Variants in CHRNA10 observed in about 807,000 individuals in gnomAD.
CHRNA10 encodes cholinergic receptor nicotinic alpha 10 subunit.
CHRNA10 carries 31 observed loss-of-function variants against 36.0 expected under a neutral mutation model. The ratio of observed to expected loss-of-function variants is 0.86; its 90% CI spans 0.65 to 1.16. The LOEUF (loss-of-function observed/expected upper bound fraction) is 1.16, where lower values mean the gene tolerates loss of function less well. CHRNA10 is among the 50% of genes most tolerant of loss of function. The pLI is 0.00. For missense variants in CHRNA10, 648 were observed against 640.9 expected (o/e 1.01, Z -0.12); for synonymous variants, 302 against 287.0 (o/e 1.05, Z -0.53).
rs56167171 is a variant in CHRNA10, at chr11:3,669,368, T to A, written c.208-18A>T. ...CGTTCATCCTAGTGGGGGCAGGGAA[T>A]GGCAGAGATGTGGACATGTATATGC... On this transcript the variant is annotated intron_variant, in intron 2 of 4. Transcript: ENST00000250699. 0.017 allele frequency: 27,622 copies of A among 1,610,842 alleles called. 282 individuals carry two copies. Among genetic ancestry groups the A allele is most frequent in the Non-Finnish European group, 0.02 (23,047 of 1,178,116 alleles).
intron 1 of CHRNA10, among the ~76,000 whole-genome samples, chr11:3,670,419 A>C (rs2672215): frequency 0.55 from 83,671 of 151,926 alleles, 23,427 homozygotes; most frequent in Admixed American, 0.71. Flanking sequence ...TACTGACACA[A>C]ATTTTCCTCA....
At chr11:3,669,090 C>T in intron 3 of CHRNA10, 106 bp downstream of exon 3, 3 of 1,293,144 alleles carry the variant, frequency 2.3e-6, no homozygotes, top group Non-Finnish European at 3.2e-6. Flanking sequence ...TCCAGGGCAG[C>T]GTGGCAACCA....
chr11:3,667,722 G>T lies in CHRNA10; in HGVS notation c.405C>A (p.Val135=), dbSNP rs756530346. The change falls in exon 4 of 5, where the codon GTC becomes GTA. Residue 135 remains valine, a synonymous_variant. Coordinates refer to ENST00000250699, the MANE Select transcript of CHRNA10 (RefSeq NM_020402.4). ...QPPGSASTNV[V]LRHDGAVRWD... ...AGCGCACGGCGCCATCGTGGCGCAG[G>T]ACCACGTTGGTGCTGGCGGAACCTG... 1.3e-6 allele frequency: 2 copies of T among 1,571,914 alleles called. No homozygotes were observed. Among genetic ancestry groups the T allele is most frequent in the Admixed American group, 1.7e-5 (1 of 57,278 alleles).
In CHRNA10 at chr11:3,665,680, C is replaced by G. The variant is rs991309152; in HGVS notation, c.*427G>C. 2 of 156,552 alleles carry G rather than the reference C, an allele frequency of 1.3e-5. No individual in the cohort carries two copies. Among genetic ancestry groups the G allele is most frequent in the Non-Finnish European group, 2.8e-5 (2 of 71,148 alleles). 9.7% of individuals were successfully genotyped at this position (156,552 alleles called of 1,614,324 possible). ...GGAAACTCGACTGAGAATCCCCGAC[C>G]CTTTTCCCTGAGCCCCTCAGCAGGG... On this transcript the variant is annotated 3_prime_UTR_variant, in exon 5 of 5. Transcript: ENST00000250699.
intron 2 of CHRNA10, 63 bp downstream of exon 2, chr11:3,669,733 C>A: frequency 6.3e-7 from 1 of 1,579,168 alleles, no homozygotes; most frequent in Non-Finnish European, 8.7e-7. Context: ...CAGTCTCTCA[C>A]CCCTTCATTT....
intron 2 of CHRNA10, among the ~76,000 whole-genome samples, 162 bp from the exon 3 acceptor site, chr11:3,669,512 G>A (rs1402329863): frequency 2.0e-5 from 3 of 146,464 alleles, no homozygotes; most frequent in Admixed American, 2.0e-4. Flanking sequence ...ACCTTAGTGG[G>A]CTCTTCTCTT....
chr11:3,671,207 T>TAGC (rs2077711481), intron 1 of CHRNA10, 45 bp downstream of exon 1: 1 of 1,582,026 alleles, frequency 6.3e-7, no homozygotes, highest in African/African-American at 1.3e-5. Flanking sequence ...ACAGGAATAG[T>TAGC]AGCACCACCA....
Position 3,666,178 on chromosome 11 carries a change from G to C in CHRNA10, c.1282C>G (p.Arg428Gly). Residue 428 changes from arginine (R) to glycine (G), a missense_variant, in exon 5 of 5, where the codon CGC becomes GGC. Transcript: ENST00000250699. ...DWKRLARVMD[R>G]FFLAIFFSMA... ...GAGAAGAAGATGGCCAGGAAGAAGCGGTCCATCACACGGGCCAGGCGCTTC... is the reference window on the plus strand; with the variant it reads ...GAGAAGAAGATGGCCAGGAAGAAGCCGTCCATCACACGGGCCAGGCGCTTC... 1 of 1,611,022 alleles carries C rather than the reference G, an allele frequency of 6.2e-7. No individual in the cohort carries two copies. Among genetic ancestry groups the C allele is most frequent in the Non-Finnish European group, 8.5e-7 (1 of 1,178,598 alleles).
At chr11:3,667,893 GTTAAGTTCGAGACACTCAC>G in intron 3 of CHRNA10, 129 bp from the exon 4 acceptor site, 5 of 835,778 alleles carry the variant, frequency 6.0e-6, no homozygotes, top group Non-Finnish European at 8.7e-6. Context: ...ATTGAGGCTC[GTTAAGTTCGAGACACTCAC>G]GACGCAGGGG....
rs752007041 is a variant in CHRNA10 at position 3,667,611 on chromosome 11, G to A, written c.516C>T (p.Phe172=). 1.9e-6 allele frequency: 3 copies of A among 1,557,004 alleles called. No homozygotes were observed. The highest frequency in any genetic ancestry group is 1.4e-5 in the African/African-American group (1 of 73,736). The change falls in exon 4 of 5, where the codon TTC becomes TTT. Residue 172 remains phenylalanine, a synonymous_variant. Transcript: ENST00000250699. ...GGTGCCCGCCGTGAGTCCAGGAGCCGAACGTCAGGCCGCAGTGCTGGGCGT... is the reference window on the plus strand; with the variant it reads ...GGTGCCCGCCGTGAGTCCAGGAGCCAAACGTCAGGCCGCAGTGCTGGGCGT... ...PFDAQHCGLT[F]GSWTHGGHQL... is the part of the protein sequence containing the mutation.
At position 3,667,355 on chromosome 11, in the gene CHRNA10, A is replaced by C; in HGVS notation, c.772T>G (p.Phe258Val). Residue 258 changes from phenylalanine (F) to valine (V), a missense_variant, in exon 4 of 5, where the codon TTC becomes GTC. Physicochemically the swap from Phe to Val is conservative, Grantham distance 50. Transcript: ENST00000250699. Reference protein sequence around the residue: ...VLISLLAPLAFHLPADSGEKV... With the variant: ...VLISLLAPLAVHLPADSGEKV... ...TCGCCTGAGTCGGCAGGCAGGTGGAAGGCGAGCGGCGCAAGCAGCGAGATG... is the reference window on the plus strand; with the variant it reads ...TCGCCTGAGTCGGCAGGCAGGTGGACGGCGAGCGGCGCAAGCAGCGAGATG... 1 of 1,601,376 alleles carries C rather than the reference A, an allele frequency of 6.2e-7. No individual in the cohort carries two copies. Among genetic ancestry groups the C allele is most frequent in the Non-Finnish European group, 8.5e-7 (1 of 1,178,650 alleles).
rs746864387 is a variant in CHRNA10 at position 3,667,761 on chromosome 11, G to A, written c.366C>T (p.Ala122=). ...WRPDIVLYNK[A]DAQPPGSAST... ...TGGCGGAACCTGGAGGCTGCGCGTC[G>A]GCTCTGGGGGCAGGCGGGGCAGGGC... Residue 122 remains alanine (A), a synonymous_variant, in exon 4 of 5, where the codon GCC becomes GCT. Transcript: ENST00000250699. 10 of 1,523,896 alleles carry A rather than the reference G, an allele frequency of 6.6e-6. No homozygotes were observed. The highest frequency in any genetic ancestry group is 2.4e-5 in the East Asian group (1 of 41,522). 94.4% of individuals were successfully genotyped at this position (1,523,896 alleles called of 1,614,324 possible). A position where few individuals can be genotyped will look rare whatever the true frequency, so the allele number is the denominator to read the frequency against.
At chr11:3,668,258 G>A (rs2741859) in intron 3 of CHRNA10, among the ~76,000 whole-genome samples, 111,908 of 151,948 alleles carry the variant, frequency 0.74, 41,513 homozygotes, top group Admixed American at 0.83. Flanking sequence ...TCACGCCTGT[G>A]ATCCCAGCAC....
In CHRNA10 at chr11:3,665,819, T is replaced by A. The variant is rs55798582; in HGVS notation, c.*288A>T. ...ATGTGCTCCCCACTGAGAGCTCCAA[T>A]ACCCAGCACAAACAATTCTGTCCCT... On this transcript the variant is annotated 3_prime_UTR_variant, in exon 5 of 5. Coordinates refer to ENST00000250699, the MANE Select transcript of CHRNA10 (RefSeq NM_020402.4). 16,451 of 340,692 alleles carry A rather than the reference T, an allele frequency of 0.048. 504 individuals are homozygous for A. The highest frequency in any genetic ancestry group is 0.063 in the Non-Finnish European group (11,878 of 187,444). The allele number at this position is 340,692 out of a possible 1,614,324, so 21.1% of individuals were successfully genotyped here.
In CHRNA10 at chr11:3,669,194, A is replaced by T. The variant is rs780807271; in HGVS notation, c.362+2T>A. ...GAGAGGAGGGGCCCAGATAGGCAGT[A>T]CTTGTTATAGAGTACGATGTCTGGC... is the stretch of plus-strand genomic sequence containing the variant. On this transcript the variant is annotated splice_donor_variant, in intron 3 of 4. Coordinates refer to ENST00000250699, the MANE Select transcript of CHRNA10 (RefSeq NM_020402.4). LOFTEE classifies it high-confidence loss of function. The T allele has an allele frequency of 3.7e-6, 6 of 1,612,174 alleles. No homozygotes were observed. The highest frequency in any genetic ancestry group is 1.7e-4 in the Middle Eastern group (1 of 6,038).
Position 3,666,134 on chromosome 11 carries a change from G to C in CHRNA10, c.1326C>G (p.Ser442Arg). 1 of 1,575,754 alleles carries C rather than the reference G, an allele frequency of 6.3e-7. No homozygotes were observed. The change falls in exon 5 of 5, where the codon AGC becomes AGG. Residue 442 changes from serine (S) to arginine (R), a missense_variant. Coordinates refer to ENST00000250699, the MANE Select transcript of CHRNA10 (RefSeq NM_020402.4). ...AIFFSMALVM[S>R]LLVLVQAL is the part of the protein sequence containing the mutation. ...ACAGGGCCTGCACCAGCACCAGGAG[G>C]CTCATGACCAGGGCCATGGAGAAGA...
chr11:3,667,216 C>T lies in CHRNA10; in HGVS notation c.895+16G>A, dbSNP rs773954149. The T allele has an allele frequency of 7.1e-6, 11 of 1,548,238 alleles. No individual in the cohort carries two copies. The highest frequency in any genetic ancestry group is 3.8e-5 in the Admixed American group (2 of 52,734). On this transcript the variant is annotated intron_variant, in intron 4 of 4. Transcript: ENST00000250699. ...CCCAGCGCATCGTCAGGTCCCCCCG[C>T]GCCCCCGCTGCTCACCGATGAGCGG...
chr11:3,670,680 T>C (rs1201888766), intron 1 of CHRNA10, among the ~76,000 whole-genome samples: 2 of 152,224 alleles, frequency 1.3e-5, no homozygotes, highest in Admixed American at 6.5e-5. Context: ...GTGACCTTAG[T>C]TGGAAATCTG....
At chr11:3,670,466 C>T (rs948243016) in intron 1 of CHRNA10, among the ~76,000 whole-genome samples, 43 of 152,186 alleles carry the variant, frequency 2.8e-4, no homozygotes, top group Admixed American at 6.5e-5. Context: ...GAATCCTGTC[C>T]TTGGCTCCCA....
Sources: allele counts gnomAD v4.1 joint callset (sites outside exome capture counted in the v4.1 genomes callset), GRCh38; gene constraint gnomAD v4.1.1; transcripts MANE v1.5; gene names NCBI Gene and HGNC (gene_info 2026-07-23, HGNC 2026-07-21).